The following CFI variants were observed in gnomAD, a reference collection of about 807,000 sequenced individuals.
The protein encoded by CFI is C3B/C4B inactivator.
Under a neutral mutation model 78.8 loss-of-function variants are expected in CFI, and 66 were observed. That is an observed-to-expected ratio of 0.84 (90% CI 0.69 to 1.03). The LOEUF (loss-of-function observed/expected upper bound fraction) is 1.03. Ranked by LOEUF, CFI falls within the 50% of genes least tolerant of loss-of-function variation. The pLI, the probability that CFI is intolerant of heterozygous loss-of-function variation, is 0.00. For missense variants in CFI, 706 were observed against 704.5 expected (o/e 1.00, Z -0.02); for synonymous variants, 250 against 232.6 (o/e 1.07, Z -0.68).
chr4:109,775,718 C>T lies in CFI; in HGVS notation c.58-8894G>A, dbSNP rs957377306. ...CTGCCTCAAGTGGGTTCATGACCCCCGAGTAGCCTAAATGGGAGACACCTC... is the reference window on the plus strand; with the variant it reads ...CTGCCTCAAGTGGGTTCATGACCCCTGAGTAGCCTAAATGGGAGACACCTC... On this transcript the variant is annotated intron_variant, in intron 1 of 12. Coordinates refer to ENST00000394634, the MANE Select transcript of CFI (RefSeq NM_000204.5). Among the ~76,000 whole-genome samples, 31 of 152,270 alleles carry T rather than the reference C, an allele frequency of 2.0e-4. No homozygotes were observed. The South Asian group carries it at 3.1e-3, about 15-fold the overall frequency.
At chr4:109,799,823 T>C (rs1579333595) in intron 1 of CFI, among the ~76,000 whole-genome samples, 1 of 152,222 alleles carries the variant, frequency 6.6e-6, no homozygotes, top group Non-Finnish European at 1.5e-5. Flanking sequence ...GTGTTAAGGC[T>C]ATTTTATGTA....
chr4:109,735,422 G>A, the CFI span, among the ~76,000 whole-genome samples: 18 of 152,110 alleles, frequency 1.2e-4, no homozygotes, highest in Non-Finnish European at 1.8e-4. Flanking sequence ...GGGGTTTAAC[G>A]TACCACATTA....
chr4:109,746,604 A>G, intron 10 of CFI, 102 bp from the exon 11 acceptor site: 1 of 993,024 alleles, frequency 1.0e-6, no homozygotes, highest in Non-Finnish European at 1.4e-6. Flanking sequence ...AACCTTTTTC[A>G]TTTCCCCAGA....
chr4:109,749,261 A>G lies in CFI; in HGVS notation c.1105T>C (p.Tyr369His), dbSNP rs1407460833. The G allele has an allele frequency of 2.5e-6, 4 of 1,614,192 alleles. No homozygotes were observed. Among genetic ancestry groups the G allele is most frequent in the South Asian group, 2.2e-5 (2 of 91,086 alleles). ...DASGITCGGI[Y>H]IGGCWILTAA... ...GTCAGAATCCAACAGCCACCAATAT[A>G]AATTCCCCCACAGGTGATTCCACTG... The change falls in exon 10 of 13, where the codon TAT (tyrosine) becomes CAT (histidine). Residue 369 changes from tyrosine to histidine, a missense_variant. Tyr to His is a moderately conservative substitution (Grantham distance 83, BLOSUM62 2). Transcript: ENST00000394634.
chr4:109,749,473 C>T (rs376272966), intron 9 of CFI, 26 bp downstream of exon 9: 5 of 1,578,244 alleles, frequency 3.2e-6, no homozygotes, highest in South Asian at 1.1e-5. Context: ...TGGGCAGTTG[C>T]ATTGTGACTT....
At position 109,764,561 on chromosome 4, in the gene CFI, G is replaced by A; in HGVS notation, c.458C>T (p.Ala153Val). ...CTGTTGAAACCCAAGGTCAAGGCAG[G>A]CCACGTTGGCTTCCCTCATGCTCCA... ...SSWSMREANV[A>V]CLDLGFQQGA... The change falls in exon 3 of 13, where the codon GCC becomes GTC. Residue 153 changes from alanine (A) to valine (V), a missense_variant. By Grantham distance (64) the Ala-to-Val change is moderately conservative. Transcript: ENST00000394634. 6.2e-7 allele frequency: 1 copy of A among 1,614,028 alleles called. No individual in the cohort carries two copies. Among genetic ancestry groups the A allele is most frequent in the Non-Finnish European group, 8.5e-7 (1 of 1,179,998 alleles).
intron 1 of CFI, among the ~76,000 whole-genome samples, chr4:109,783,915 T>C (rs917113880): frequency 6.6e-6 from 1 of 150,740 alleles, no homozygotes; most frequent in East Asian, 1.9e-4. Flanking sequence ...ACTATTGTTC[T>C]AAGTGAAGTA....
chr4:109,779,985 A>G (rs1729794310), intron 1 of CFI, among the ~76,000 whole-genome samples: 3 of 152,208 alleles, frequency 2.0e-5, no homozygotes, highest in African/African-American at 7.2e-5. Flanking sequence ...CACCTTATAA[A>G]AAATTAATTC....
rs149565381 is a variant in CFI at position 109,771,714 on chromosome 4, C to CAAAAAA, written c.58-4896_58-4891dup. Among the ~76,000 whole-genome samples, 99 of 18,120 alleles carry CAAAAAA rather than the reference C, an allele frequency of 5.5e-3. 17 individuals are homozygous for CAAAAAA. The highest frequency in any genetic ancestry group is 7.3e-3 in the African/African-American group (42 of 5,792). The allele number at this position is 18,120 out of a possible 152,430, so 11.9% of individuals were successfully genotyped here. On this transcript the variant is annotated intron_variant, in intron 1 of 12. Coordinates refer to ENST00000394634, the MANE Select transcript of CFI (RefSeq NM_000204.5). Reference sequence around the variant, plus strand: ...GGGCAACACAGCAAGACTCCATCACCAAAAAAAAAAAAAAAAAAAAAAAAA... The same window carrying CAAAAAA: ...GGGCAACACAGCAAGACTCCATCACCAAAAAAAAAAAAAAAAAAAAAAAAAAAAAAA...
At chr4:109,751,438 CTT>C (rs66497003) in intron 8 of CFI, among the ~76,000 whole-genome samples, 637 of 100,308 alleles carry the variant, frequency 6.4e-3, no homozygotes, top group Middle Eastern at 0.029. Context: ...AGAGCTAAAT[CTT>C]TTTTTTTTTT....
intron 4 of CFI, 114 bp from the exon 5 acceptor site, chr4:109,760,750 G>A (rs1397454192): frequency 2.7e-5 from 19 of 714,778 alleles, no homozygotes; most frequent in South Asian, 4.5e-5. Context: ...TCAAAAAAAT[G>A]TATAAAACGT....
chr4:109,755,122 G>T (rs1175826111), intron 7 of CFI, among the ~76,000 whole-genome samples: 3 of 152,112 alleles, frequency 2.0e-5, no homozygotes, highest in Admixed American at 1.3e-4. Context: ...TTGAGCAAAG[G>T]ATGTGAACCA....
At chr4:109,754,657 G>C (rs1725903793) in intron 7 of CFI, among the ~76,000 whole-genome samples, 1 of 152,050 alleles carries the variant, frequency 6.6e-6, no homozygotes, top group African/African-American at 2.4e-5. Flanking sequence ...CACTGAATTT[G>C]CTAAGTTCTC....
chr4:109,765,425 C>T (rs1727613993), intron 2 of CFI, among the ~76,000 whole-genome samples: 1 of 152,172 alleles, frequency 6.6e-6, no homozygotes, highest in South Asian at 2.1e-4. Flanking sequence ...TTTCTGCATG[C>T]CAAGCACTGT....
intron 4 of CFI, 79 bp downstream of exon 4, chr4:109,761,438 A>G (rs1727041318): frequency 2.2e-6 from 3 of 1,376,364 alleles, no homozygotes; most frequent in South Asian, 1.2e-5. Context: ...CGAGGCATCA[A>G]TCATTTGTTT....
chr4:109,785,994 T>G (rs1402360589), intron 1 of CFI, among the ~76,000 whole-genome samples: 1 of 151,890 alleles, frequency 6.6e-6, no homozygotes, highest in Non-Finnish European at 1.5e-5. Flanking sequence ...CAGTTCTTTA[T>G]AGCAGTATGA....
chr4:109,777,525 T>C (rs1170564911), intron 1 of CFI, among the ~76,000 whole-genome samples: 1 of 151,924 alleles, frequency 6.6e-6, no homozygotes. Flanking sequence ...TCCCACACAA[T>C]AATAATGGGA....
chr4:109,783,032 A>G (rs1434695044), intron 1 of CFI, among the ~76,000 whole-genome samples: 1 of 152,202 alleles, frequency 6.6e-6, no homozygotes, highest in Non-Finnish European at 1.5e-5. Flanking sequence ...TCAACTCAAG[A>G]TGGATTAAGG....
chr4:109,765,257 T>G (rs13129180), intron 2 of CFI, among the ~76,000 whole-genome samples: 1 of 151,920 alleles, frequency 6.6e-6, no homozygotes, highest in South Asian at 2.1e-4. Flanking sequence ...TAACTCAGCA[T>G]CTCAAAAACA....
Sources: gnomAD v4.1 joint callset for allele counts (sites outside exome capture counted in the v4.1 genomes callset) on GRCh38, gnomAD v4.1.1 for gene constraint, MANE v1.5 for transcripts, NCBI Gene and HGNC (gene_info 2026-07-23, HGNC 2026-07-21) for gene names.